Variants in ADAMTSL3 observed in about 807,000 individuals in gnomAD.
The protein encoded by ADAMTSL3 is ADAMTS like 3.
In ADAMTSL3, 128 loss-of-function variants were observed where a neutral mutation model predicts 201.7. The observed-to-expected ratio is 0.63, with a 90% CI of 0.55 to 0.73. The LOEUF (loss-of-function observed/expected upper bound fraction) is 0.73, where lower values mean the gene tolerates loss of function less well. ADAMTSL3 is among the 30% of genes least tolerant of loss of function. The pLI, the probability that ADAMTSL3 is intolerant of heterozygous loss-of-function variation, is 0.00. For synonymous variants in ADAMTSL3, 738 were observed against 748.4 expected (o/e 0.99, Z 0.23); for missense variants, 1,990 against 2,119.6 (o/e 0.94, Z 1.20).
chr15:83,968,158 G>A (rs957462968), intron 19 of ADAMTSL3, among the ~76,000 whole-genome samples: 13 of 152,064 alleles, frequency 8.5e-5, no homozygotes, highest in Admixed American at 7.9e-4. Context: ...AAAAACAATG[G>A]CAACAAAAGC....
chr15:83,865,728 A>G (rs1049767597), intron 8 of ADAMTSL3, among the ~76,000 whole-genome samples: 8 of 152,358 alleles, frequency 5.3e-5, no homozygotes, highest in Admixed American at 5.2e-4. Flanking sequence ...CTAAAACACC[A>G]AAAGCAATGG....
chr15:83,819,121 T>C (rs2063813830), intron 5 of ADAMTSL3, among the ~76,000 whole-genome samples: 1 of 151,874 alleles, frequency 6.6e-6, no homozygotes, highest in African/African-American at 2.4e-5. Flanking sequence ...AATACAAAAA[T>C]AAGCTGGGCG....
chr15:83,701,585 T>C (rs945714229), intron 2 of ADAMTSL3, among the ~76,000 whole-genome samples: 4 of 151,932 alleles, frequency 2.6e-5, no homozygotes, highest in African/African-American at 9.7e-5. Flanking sequence ...ATGGGGGAGG[T>C]ATCCCCCATA....
intron 23 of ADAMTSL3, among the ~76,000 whole-genome samples, chr15:83,994,203 A>G (rs2067634577): frequency 6.6e-6 from 1 of 152,258 alleles, no homozygotes; most frequent in East Asian, 1.9e-4. Flanking sequence ...GCAAACTCAA[A>G]CTGCCTGGAA....
chr15:83,913,273 A>T lies in ADAMTSL3; in HGVS notation c.1882A>T (p.Ser628Cys). 6.2e-7 allele frequency: 1 copy of T among 1,614,066 alleles called. No individual in the cohort carries two copies. The highest frequency in any genetic ancestry group is 8.5e-7 in the Non-Finnish European group (1 of 1,180,020). ...CTGCCTCCTGGAAGCATGTGATGAG[A>T]GCCCGGCCTCCCGAGAGCTAGACAT... is the stretch of plus-strand genomic sequence containing the variant. ...RPCLLEACDESPASRELDIPL... is the reference protein window; with the variant it reads ...RPCLLEACDECPASRELDIPL... Residue 628 changes from serine to cysteine, a missense_variant, in exon 16 of 30, where the codon AGC (serine) becomes TGC (cysteine). Ser to Cys is a moderately radical substitution (Grantham distance 112). Coordinates refer to ENST00000286744, the MANE Select transcript of ADAMTSL3 (RefSeq NM_207517.3).
Position 83,820,057 on chromosome 15 carries a change from C to T in ADAMTSL3, c.600+10C>T. 6.2e-7 allele frequency: 1 copy of T among 1,605,388 alleles called. No homozygotes were observed. The highest frequency in any genetic ancestry group is 8.5e-7 in the Non-Finnish European group (1 of 1,172,086). On this transcript the variant is annotated intron_variant, in intron 6 of 29. Coordinates refer to ENST00000286744, the MANE Select transcript of ADAMTSL3 (RefSeq NM_207517.3). The stretch of plus-strand genomic sequence containing the variant: ...CAGTGGCATCTGTCAGGTAAGCACA[C>T]TTACCTCCCAATCCCCTGCTTTGGG...
chr15:83,737,999 A>G (rs998430130), intron 3 of ADAMTSL3, among the ~76,000 whole-genome samples: 3 of 152,232 alleles, frequency 2.0e-5, no homozygotes, highest in African/African-American at 7.2e-5. Context: ...TGTTTCAACT[A>G]TGAGAGTAAA....
At chr15:83,966,744 G>T (rs755253422) in intron 19 of ADAMTSL3, among the ~76,000 whole-genome samples, 1 of 151,888 alleles carries the variant, frequency 6.6e-6, no homozygotes, top group Non-Finnish European at 1.5e-5. Flanking sequence ...AAAATTTCAG[G>T]CCAATATCCC....
At chr15:83,704,603 C>CAATACCTGGACAGA in intron 3 of ADAMTSL3, 95 bp downstream of exon 3, 1 of 1,519,164 alleles carries the variant, frequency 6.6e-7, no homozygotes, top group Non-Finnish European at 8.9e-7. Flanking sequence ...TTATATTTTC[C>CAATACCTGGACAGA]TCTTTGCAAT....
intron 14 of ADAMTSL3, among the ~76,000 whole-genome samples, chr15:83,899,102 A>G (rs766936480): frequency 3.3e-5 from 5 of 152,164 alleles, no homozygotes; most frequent in Admixed American, 6.5e-5. Flanking sequence ...GGAGGCTTCA[A>G]AGGACAGGAA....
At chr15:83,670,442 TA>T (rs1453346612) in intron 2 of ADAMTSL3, among the ~76,000 whole-genome samples, 1 of 152,054 alleles carries the variant, frequency 6.6e-6, no homozygotes. Context: ...TGGTGTTATT[TA>T]AATTTTTTGA....
intron 20 of ADAMTSL3, among the ~76,000 whole-genome samples, chr15:83,977,719 GGGCCCTT>G (rs1473379120): frequency 1.3e-5 from 2 of 152,208 alleles, no homozygotes; most frequent in Non-Finnish European, 2.9e-5. Flanking sequence ...TGTCACTAGG[GGGCCCTT>G]GGTTGTCTCT....
In ADAMTSL3 at chr15:83,823,893, C is replaced by CTTCTTCTTCTTCTTCTTCT. The variant is rs1281731708; in HGVS notation, c.600+3847_600+3848insTCTTCTTCTTCTTCTTCTT. Among the ~76,000 whole-genome samples the CTTCTTCTTCTTCTTCTTCT allele has an allele frequency of 2.1e-5, 2 of 93,066 alleles. 1 individual carries two copies. The highest frequency in any genetic ancestry group is 4.1e-5 in the Non-Finnish European group (2 of 49,350). The allele number at this position is 93,066 out of a possible 152,430, so 61.1% of individuals were successfully genotyped here. On this transcript the variant is annotated intron_variant, in intron 6 of 29. Coordinates refer to ENST00000286744, the MANE Select transcript of ADAMTSL3 (RefSeq NM_207517.3). ...AGACTCCATTTCCTTCTTCTTCTTC[C>CTTCTTCTTCTTCTTCTTCT]TCTTCTTCTTCTTCTTCTTCTTCTT...
intron 2 of ADAMTSL3, among the ~76,000 whole-genome samples, chr15:83,677,247 T>G (rs1227001763): frequency 6.6e-6 from 1 of 152,220 alleles, no homozygotes; most frequent in Non-Finnish European, 1.5e-5. Context: ...ATGTGTATTC[T>G]GCTGTTGTTG....
chr15:83,843,516 C>G (rs2064427786), intron 7 of ADAMTSL3, among the ~76,000 whole-genome samples: 1 of 152,180 alleles, frequency 6.6e-6, no homozygotes, highest in African/African-American at 2.4e-5. Flanking sequence ...CTGTTTTTGG[C>G]TGGGATTTTT....
chr15:83,761,379 G>A (rs141006724), intron 3 of ADAMTSL3, among the ~76,000 whole-genome samples: 17 of 152,052 alleles, frequency 1.1e-4, no homozygotes, highest in South Asian at 4.2e-4. Context: ...ATTTACCTAC[G>A]TTTACCATTC....
intron 17 of ADAMTSL3, among the ~76,000 whole-genome samples, chr15:83,931,828 A>G (rs1018640425): frequency 1.3e-5 from 2 of 152,220 alleles, no homozygotes; most frequent in Non-Finnish European, 2.9e-5. Context: ...ATGACAGTTC[A>G]GTTTCTAAGA....
intron 2 of ADAMTSL3, among the ~76,000 whole-genome samples, chr15:83,679,195 A>G (rs1204758132): frequency 2.0e-5 from 3 of 152,024 alleles, no homozygotes; most frequent in African/African-American, 4.8e-5. Flanking sequence ...GTTTTAAAAC[A>G]TATCTTCTAT....
rs563356655 is a variant in ADAMTSL3, at chr15:83,712,992, A to G, written c.189+8484A>G. The stretch of plus-strand genomic sequence containing the variant: ...ATGCATTCCTTTTAATCTCTAAGAG[A>G]CAACTAATTCTCTTATCTCTCTACT... On this transcript the variant is annotated intron_variant, in intron 3 of 29. Coordinates refer to ENST00000286744, the MANE Select transcript of ADAMTSL3 (RefSeq NM_207517.3). 7.0e-4 allele frequency among the ~76,000 whole-genome samples: 106 copies of G among 152,222 alleles called. 1 individual carries two copies. The highest frequency in any genetic ancestry group is 2.5e-3 in the African/African-American group (105 of 41,520).
Sources: gnomAD v4.1 joint callset for allele counts (sites outside exome capture counted in the v4.1 genomes callset) on GRCh38, gnomAD v4.1.1 for gene constraint, MANE v1.5 for transcripts, NCBI Gene and HGNC (gene_info 2026-07-23, HGNC 2026-07-21) for gene names.